Variants in RAPGEF6 observed in about 807,000 individuals in gnomAD.
RAPGEF6 encodes the protein Rap guanine nucleotide exchange factor 6.
In RAPGEF6, 56 loss-of-function variants were observed where a neutral mutation model predicts 171.4. The ratio of observed to expected loss-of-function variants is 0.33; its 90% confidence interval spans 0.26 to 0.41. The LOEUF (loss-of-function observed/expected upper bound fraction) is 0.41. Among genes scored for constraint, RAPGEF6 ranks in the 10% least tolerant of loss-of-function variants. The probability of loss-of-function intolerance (pLI) is 1.00; values close to 1 mark genes in which losing one functional copy is unlikely to be tolerated. For synonymous variants in RAPGEF6, 692 were observed against 650.1 expected (o/e 1.06, Z -0.98); for missense variants, 1,674 against 1,921.4 (o/e 0.87, Z 2.41).
intron 4 of RAPGEF6, among the ~76,000 whole-genome samples, chr5:131,578,753 A>G (rs2149988708): frequency 6.6e-6 from 1 of 152,318 alleles, no homozygotes. Flanking sequence ...GAGCATTCCA[A>G]CTTCGCATTA....
chr5:131,466,722 G>A (rs1270402087), intron 17 of RAPGEF6, among the ~76,000 whole-genome samples: 1 of 152,134 alleles, frequency 6.6e-6, no homozygotes, highest in Non-Finnish European at 1.5e-5. Flanking sequence ...GTGGAACTGC[G>A]AGTGCATTAA....
At position 131,461,698 on chromosome 5, in the gene RAPGEF6, A is replaced by C. The variant is rs1166979992; in HGVS notation, c.2864+7T>G. The stretch of plus-strand genomic sequence containing the variant: ...ACAGACATTTGTACCTATTTGTACC[A>C]ACTTACCTTATTATTGCAAACATGG... On this transcript the variant is annotated splice_region_variant and intron_variant, in intron 19 of 27. Transcript: ENST00000509018. 6.3e-7 allele frequency: 1 copy of C among 1,590,116 alleles called. No individual in the cohort carries two copies. The highest frequency in any genetic ancestry group is 8.6e-7 in the Non-Finnish European group (1 of 1,163,808).
intron 17 of RAPGEF6, chr5:131,472,317 C>T (rs919595353): frequency 1.4e-4 from 58 of 414,534 alleles, no homozygotes; most frequent in South Asian, 3.1e-4. Flanking sequence ...ATGATCCGCC[C>T]GCCTCGGCCT....
In RAPGEF6 at chr5:131,461,779, A is replaced by G; in HGVS notation, c.2790T>C (p.Ile930=). 2 of 1,612,870 alleles carry G rather than the reference A, an allele frequency of 1.2e-6. No individual in the cohort carries two copies. The highest frequency in any genetic ancestry group is 1.7e-6 in the Non-Finnish European group (2 of 1,178,952). The change falls in exon 19 of 28, where the codon ATT becomes ATC. Residue 930 remains isoleucine, a synonymous_variant. Transcript: ENST00000509018. ...TEANQLKRMK[I]IKHFIKIALH... is the part of the protein sequence containing the mutation. ...GTGCAATTTTAATAAAATGCTTAATAATCTTCATTCGTTTGAGCTGATTTG... is the reference window on the plus strand; with the variant it reads ...GTGCAATTTTAATAAAATGCTTAATGATCTTCATTCGTTTGAGCTGATTTG...
chr5:131,627,218 G>A (rs1485294728), intron 1 of RAPGEF6, among the ~76,000 whole-genome samples: 1 of 152,200 alleles, frequency 6.6e-6, no homozygotes, highest in Admixed American at 6.5e-5. Flanking sequence ...TTTAGGACAA[G>A]TGGTTGAAGA....
rs1426247363 is a variant in RAPGEF6 at position 131,544,423 on chromosome 5, A to G, written c.495+3624T>C. Among the ~76,000 whole-genome samples the G allele has an allele frequency of 5.9e-5, 9 of 151,892 alleles. No individual in the cohort carries two copies. The South Asian group carries it at 6.2e-4, about 10-fold the overall frequency. ...AGGGAAAGGTCTCAAAATCATTATA[A>G]TGTGTGAAAGAAGCCCACCCCCCCA... On this transcript the variant is annotated intron_variant, in intron 6 of 27. Coordinates refer to ENST00000509018, the MANE Select transcript of RAPGEF6 (RefSeq NM_016340.6).
At chr5:131,565,741 A>G in intron 4 of RAPGEF6, among the ~76,000 whole-genome samples, 1 of 152,242 alleles carries the variant, frequency 6.6e-6, no homozygotes, top group East Asian at 1.9e-4. Context: ...TTCAATGGAG[A>G]AAGATAATCT....
rs1024393908 is a variant in RAPGEF6 at position 131,505,346 on chromosome 5, C to T, written c.1101+18G>A. The T allele has an allele frequency of 1.4e-5, 22 of 1,612,150 alleles. No homozygotes were observed. Among genetic ancestry groups the T allele is most frequent in the African/African-American group, 2.7e-5 (2 of 74,868 alleles). ...TAAACCAACAGACAAGAAGACTTGA[C>T]CAAAGAGATAATCTTACCTGACAAT... On this transcript the variant is annotated intron_variant, in intron 10 of 27. Transcript: ENST00000509018.
intron 6 of RAPGEF6, among the ~76,000 whole-genome samples, chr5:131,528,067 A>C (rs1257597104): frequency 1.3e-5 from 1 of 75,348 alleles, no homozygotes; most frequent in African/African-American, 3.7e-5. Flanking sequence ...ATAATATATA[A>C]ATTTATAATT....
chr5:131,627,964 G>A (rs1561620640), intron 1 of RAPGEF6, among the ~76,000 whole-genome samples: 2 of 152,154 alleles, frequency 1.3e-5, no homozygotes, highest in African/African-American at 4.8e-5. Flanking sequence ...GATGGCAAAC[G>A]TAACTGATGT....
chr5:131,495,746 T>G, intron 12 of RAPGEF6, 86 bp from the exon 13 acceptor site: 1 of 1,489,380 alleles, frequency 6.7e-7, no homozygotes, highest in South Asian at 1.3e-5. Flanking sequence ...CTAAAACTCA[T>G]GAAGAACTGA....
At chr5:131,518,319 GCTT>G (rs1423775383) in intron 7 of RAPGEF6, among the ~76,000 whole-genome samples, 1 of 151,084 alleles carries the variant, frequency 6.6e-6, no homozygotes, top group Non-Finnish European at 1.5e-5. Flanking sequence ...ATCTTTATTG[GCTT>G]CTTTTTATTT....
chr5:131,470,031 TTG>T (rs1403000728), intron 17 of RAPGEF6, among the ~76,000 whole-genome samples: 2 of 152,222 alleles, frequency 1.3e-5, no homozygotes, highest in Non-Finnish European at 2.9e-5. Context: ...ATTTAAATTT[TTG>T]TGTTGTATAA....
At chr5:131,537,736 G>T (rs563998739) in intron 6 of RAPGEF6, among the ~76,000 whole-genome samples, 2 of 152,094 alleles carry the variant, frequency 1.3e-5, no homozygotes, top group African/African-American at 2.4e-5. Context: ...GTGTCCATGG[G>T]TTCTGTACCT....
intron 1 of RAPGEF6, among the ~76,000 whole-genome samples, chr5:131,631,929 A>C (rs186068759): frequency 1.3e-5 from 2 of 152,174 alleles, no homozygotes; most frequent in Admixed American, 1.3e-4. Context: ...ACAAAAAATT[A>C]GCCGGGCGTG....
intron 20 of RAPGEF6, among the ~76,000 whole-genome samples, chr5:131,454,257 G>A (rs1379919688): frequency 6.6e-6 from 1 of 152,144 alleles, no homozygotes; most frequent in East Asian, 1.9e-4. Context: ...CATCAAAACG[G>A]ATTAAAGTGA....
At chr5:131,588,264 T>C (rs1763378441) in intron 4 of RAPGEF6, among the ~76,000 whole-genome samples, 1 of 152,188 alleles carries the variant, frequency 6.6e-6, no homozygotes, top group Admixed American at 6.5e-5. Context: ...GACTTCTACC[T>C]AGTCATTAAA....
intron 15 of RAPGEF6, among the ~76,000 whole-genome samples, chr5:131,484,905 TAAAA>T (rs994902131): frequency 4.1e-4 from 62 of 152,300 alleles, no homozygotes; most frequent in African/African-American, 1.3e-3. Context: ...TATTAAAACT[TAAAA>T]AGACAAGTTA....
intron 19 of RAPGEF6, 84 bp downstream of exon 19, chr5:131,461,621 T>A: frequency 7.9e-7 from 1 of 1,269,284 alleles, no homozygotes; most frequent in South Asian, 1.6e-5. Context: ...TTTCTTTTCA[T>A]AGGCATTGAA....
Sources: gnomAD v4.1 joint callset for allele counts (sites outside exome capture counted in the v4.1 genomes callset) on GRCh38, gnomAD v4.1.1 for gene constraint, MANE v1.5 for transcripts, NCBI Gene and HGNC (gene_info 2026-07-23, HGNC 2026-07-21) for gene names.